TBX15: variants seen among roughly 807,000 people sequenced by gnomAD.
TBX15 encodes T-box transcription factor 15.
TBX15 carries 18 observed loss-of-function variants against 53.9 expected under a neutral mutation model. That is an observed-to-expected ratio of 0.33 (90% CI 0.23 to 0.49). TBX15 has a LOEUF of 0.49. Among genes scored for constraint, TBX15 ranks in the 20% least tolerant of loss-of-function variants. The pLI, the probability that TBX15 is intolerant of heterozygous loss-of-function variation, is 0.98. For missense variants in TBX15, 692 were observed against 749.5 expected, an observed-to-expected ratio of 0.92 and a Z score of 0.90; for synonymous variants, 295 against 278.0, an observed-to-expected ratio of 1.06 and a Z score of -0.61.
chr1:118,925,265 AT>A (rs1170199159), intron 3 of TBX15, among the ~76,000 whole-genome samples: 1 of 152,214 alleles, frequency 6.6e-6, no homozygotes, highest in Non-Finnish European at 1.5e-5. Flanking sequence ...TTTGTTCCTT[AT>A]TAAAAACATC....
chr1:118,952,337 G>A (rs771145238), intron 1 of TBX15, among the ~76,000 whole-genome samples: 9 of 151,992 alleles, frequency 5.9e-5, no homozygotes, highest in African/African-American at 9.7e-5. Flanking sequence ...AAGTTATATC[G>A]AGATTTTTGG....
At chr1:118,981,727 C>T (rs1469445182) in intron 1 of TBX15, among the ~76,000 whole-genome samples, 1 of 152,186 alleles carries the variant, frequency 6.6e-6, no homozygotes, top group Non-Finnish European at 1.5e-5. Flanking sequence ...ATCATATTTT[C>T]CACCTCTGAC....
intron 1 of TBX15, among the ~76,000 whole-genome samples, chr1:118,986,317 G>T (rs965010452): frequency 1.3e-5 from 2 of 152,198 alleles, no homozygotes; most frequent in Non-Finnish European, 2.9e-5. Flanking sequence ...TACAGGAAAA[G>T]GCTTGGACGG....
chr1:118,903,494 G>GAT (rs1654707501), intron 6 of TBX15, among the ~76,000 whole-genome samples: 1 of 152,152 alleles, frequency 6.6e-6, no homozygotes, highest in African/African-American at 2.4e-5. Context: ...TTTGTCTTGA[G>GAT]ATAGGGAGTT....
intron 1 of TBX15, among the ~76,000 whole-genome samples, chr1:118,970,808 C>T (rs1022829142): frequency 6.6e-6 from 1 of 152,132 alleles, no homozygotes; most frequent in African/African-American, 2.4e-5. Flanking sequence ...CTTCCTTCTC[C>T]TGACAATCTA....
In TBX15 at chr1:118,894,300, T is replaced by C; in HGVS notation, c.1024+4728A>G. On this transcript the variant is annotated intron_variant, in intron 7 of 7. Transcript: ENST00000369429. ...GAACACTCAGTAAATCCTAGGCTCT[T>C]TCCTAAGCACTTTACATTCATTAAT... Among the ~76,000 whole-genome samples, 2 of 152,172 alleles carry C rather than the reference T, an allele frequency of 1.3e-5. 1 individual carries two copies. Among genetic ancestry groups the C allele is most frequent in the East Asian group, 3.8e-4 (2 of 5,200 alleles).
At chr1:118,926,979 C>T (rs1655621576) in intron 2 of TBX15, among the ~76,000 whole-genome samples, 1 of 152,116 alleles carries the variant, frequency 6.6e-6, no homozygotes. Flanking sequence ...CCACCTCGGC[C>T]TCCCAAAGTA....
intron 6 of TBX15, among the ~76,000 whole-genome samples, chr1:118,913,842 T>C (rs1655102940): frequency 6.6e-6 from 1 of 152,210 alleles, no homozygotes; most frequent in Non-Finnish European, 1.5e-5. Flanking sequence ...AATCTTTTAA[T>C]GATAATAAAT....
At chr1:118,907,716 A>G (rs1654885212) in intron 6 of TBX15, among the ~76,000 whole-genome samples, 1 of 152,172 alleles carries the variant, frequency 6.6e-6, no homozygotes, top group Non-Finnish European at 1.5e-5. Context: ...CTTTAGCTTC[A>G]GGATCTTTGT....
intron 7 of TBX15, among the ~76,000 whole-genome samples, chr1:118,893,424 A>G (rs1223919594): frequency 5.2e-5 from 7 of 134,628 alleles, no homozygotes; most frequent in African/African-American, 1.9e-4. Context: ...AAGGAAAGAA[A>G]GATGGAAGGA....
chr1:118,907,763 A>G (rs1275427895), intron 6 of TBX15, among the ~76,000 whole-genome samples: 1 of 152,122 alleles, frequency 6.6e-6, no homozygotes, highest in African/African-American at 2.4e-5. Flanking sequence ...GGGGTGGCCA[A>G]CCTCAAAGAC....
chr1:118,924,388 C>A (rs1185167761), intron 4 of TBX15, among the ~76,000 whole-genome samples: 4 of 152,166 alleles, frequency 2.6e-5, no homozygotes, highest in Non-Finnish European at 5.9e-5. Flanking sequence ...GCCTCCTCGA[C>A]TAGACTGTAA....
rs1170549069 is a variant in TBX15 at position 118,908,274 on chromosome 1, G to GA, written c.926+5840dup. 1.2e-4 allele frequency among the ~76,000 whole-genome samples: 18 copies of GA among 148,216 alleles called. No individual in the cohort carries two copies. In the East Asian group the frequency reaches 2.8e-3, roughly 23 times the overall value. On this transcript the variant is annotated intron_variant, in intron 6 of 7. Coordinates refer to ENST00000369429, the MANE Select transcript of TBX15 (RefSeq NM_001330677.2). ...TTTATTCTCTATTCCTGGCACCATG[G>GA]AAAAAAAATACAAGAACAGAAACCT...
At chr1:118,946,672 G>GTAA (rs1656357598) in intron 1 of TBX15, among the ~76,000 whole-genome samples, 1 of 152,052 alleles carries the variant, frequency 6.6e-6, no homozygotes, top group Non-Finnish European at 1.5e-5. Context: ...TCTCTATGTA[G>GTAA]TAATGAGTAT....
chr1:118,895,692 C>A (rs1046209190), intron 7 of TBX15, among the ~76,000 whole-genome samples: 2 of 152,042 alleles, frequency 1.3e-5, no homozygotes, highest in African/African-American at 2.4e-5. Context: ...CTGGACTCTC[C>A]AAACACATAA....
chr1:118,908,382 A>G (rs1477505142), intron 6 of TBX15, among the ~76,000 whole-genome samples: 1 of 151,808 alleles, frequency 6.6e-6, no homozygotes, highest in Non-Finnish European at 1.5e-5. Context: ...AAGACCAAAA[A>G]AAAAAAAAAA....
chr1:118,948,195 C>T (rs13374194), intron 1 of TBX15, among the ~76,000 whole-genome samples: 1,734 of 152,090 alleles, frequency 0.011, 31 homozygotes, highest in African/African-American at 0.038. Context: ...AAGAGACATA[C>T]GTAGCAACTT....
rs869094141 is a variant in TBX15 at position 118,939,407 on chromosome 1, C to CAAAAAAAAAAAAAAAAAAAAAAA, written c.206-7598_206-7576dup. Reference sequence around the variant, plus strand: ...AGGGCAACAGAATGAGATCTAGTCTCAAAAAAAAAAAAAAAAAAAAAAAAA... The same window carrying CAAAAAAAAAAAAAAAAAAAAAAA: ...AGGGCAACAGAATGAGATCTAGTCTCAAAAAAAAAAAAAAAAAAAAAAAAAAAAAAAAAAAAAAAAAAAAAAAA... On this transcript the variant is annotated intron_variant, in intron 1 of 7. Coordinates refer to ENST00000369429, the MANE Select transcript of TBX15 (RefSeq NM_001330677.2). Among the ~76,000 whole-genome samples the CAAAAAAAAAAAAAAAAAAAAAAA allele has an allele frequency of 2.4e-3, 21 of 8,876 alleles. 4 individuals carry two copies. The highest frequency in any genetic ancestry group is 3.8e-3 in the Admixed American group (2 of 532). 5.8% of individuals were successfully genotyped at this position (8,876 alleles called of 152,430 possible). A position where few individuals can be genotyped will look rare whatever the true frequency, so the allele number is the denominator to read the frequency against.
At chr1:118,913,322 C>A (rs1486807062) in intron 6 of TBX15, among the ~76,000 whole-genome samples, 1 of 152,062 alleles carries the variant, frequency 6.6e-6, no homozygotes, top group Non-Finnish European at 1.5e-5. Context: ...TCAATACTGT[C>A]TATACAAGAT....
Sources: gnomAD v4.1 joint callset for allele counts (sites outside exome capture counted in the v4.1 genomes callset) on GRCh38, gnomAD v4.1.1 for gene constraint, MANE v1.5 for transcripts, NCBI Gene and HGNC (gene_info 2026-07-23, HGNC 2026-07-21) for gene names.